The following CAMTA1 variants were observed in gnomAD, a reference collection of about 807,000 sequenced individuals.
CAMTA1 encodes calmodulin-binding transcription activator 1.
In CAMTA1, 27 loss-of-function variants were observed where a neutral mutation model predicts 170.9. That is an observed-to-expected ratio of 0.16 (90% CI 0.12 to 0.22). The LOEUF (loss-of-function observed/expected upper bound fraction) is 0.22. Ranked by LOEUF, CAMTA1 falls within the 10% of genes least tolerant of loss-of-function variation. The pLI, the probability that CAMTA1 is intolerant of heterozygous loss-of-function variation, is 1.00. For missense variants in CAMTA1, 1,619 were observed against 2,217.2 expected (o/e 0.73, Z 5.42); for synonymous variants, 833 against 891.5 (o/e 0.93, Z 1.17).
chr1:6,846,672 A>G (rs567892808), intron 3 of CAMTA1, among the ~76,000 whole-genome samples: 4 of 152,240 alleles, frequency 2.6e-5, no homozygotes, highest in Non-Finnish European at 5.9e-5. Context: ...ATAAAGAATC[A>G]TTAGTATTAC....
intron 5 of CAMTA1, among the ~76,000 whole-genome samples, chr1:7,294,912 G>T (rs994605121): frequency 6.6e-6 from 1 of 152,116 alleles, no homozygotes; most frequent in Non-Finnish European, 1.5e-5. Flanking sequence ...CATCTGCCCC[G>T]TGACTCCCGA....
rs1255524407 is a variant in CAMTA1, at chr1:6,965,203, G to T, written c.235-126101G>T. ...GTGTGGTATGAGCATGAGTGTGTGT[G>T]TATGACTTTGTGTGCTTGTGTGTGT... On this transcript the variant is annotated intron_variant, in intron 3 of 22. Coordinates refer to ENST00000303635, the MANE Select transcript of CAMTA1 (RefSeq NM_015215.4). The surrounding 1 kb of genome is among the most constrained non-coding windows in gnomAD (Gnocchi z 4.1). 6.6e-6 allele frequency among the ~76,000 whole-genome samples: 1 copy of T among 152,144 alleles called. No homozygotes were observed. The highest frequency in any genetic ancestry group is 1.5e-5 in the Non-Finnish European group (1 of 68,016).
intron 3 of CAMTA1, among the ~76,000 whole-genome samples, chr1:7,069,985 C>T (rs1010437286): frequency 3.9e-5 from 6 of 152,248 alleles, no homozygotes; most frequent in Non-Finnish European, 1.5e-5. Flanking sequence ...TACTCCTTGC[C>T]GCGGCCTCTG....
chr1:6,824,709 T>G (rs1330702086), intron 2 of CAMTA1, among the ~76,000 whole-genome samples: 1 of 152,224 alleles, frequency 6.6e-6, no homozygotes, highest in African/African-American at 2.4e-5. Flanking sequence ...CCTAAGAAAC[T>G]TAACATTTTT....
intron 5 of CAMTA1, among the ~76,000 whole-genome samples, chr1:7,362,794 TG>T (rs34919462): frequency 0.63 from 94,764 of 151,188 alleles, 31,454 homozygotes; most frequent in Non-Finnish European, 0.75. Flanking sequence ...TTAGTAGACT[TG>T]AATAGACTGA....
intron 6 of CAMTA1, among the ~76,000 whole-genome samples, chr1:7,620,469 G>A (rs1028947855): frequency 2.6e-5 from 4 of 152,182 alleles, no homozygotes; most frequent in Non-Finnish European, 4.4e-5. Context: ...CTGGAAGCTG[G>A]AGAACACAGA....
At chr1:7,403,474 T>C (rs2090061285) in intron 5 of CAMTA1, among the ~76,000 whole-genome samples, 1 of 152,166 alleles carries the variant, frequency 6.6e-6, no homozygotes, top group South Asian at 2.1e-4. Flanking sequence ...TAAGTGTATG[T>C]AGCGAGATCA....
intron 5 of CAMTA1, among the ~76,000 whole-genome samples, chr1:7,393,303 T>A (rs900032984): frequency 4.6e-5 from 7 of 152,058 alleles, no homozygotes; most frequent in Admixed American, 2.6e-4. Context: ...CCTACTCTGT[T>A]ACCCAGGCTG....
intron 3 of CAMTA1, among the ~76,000 whole-genome samples, chr1:6,872,342 A>G (rs774572634): frequency 6.6e-6 from 1 of 152,152 alleles, no homozygotes; most frequent in Non-Finnish European, 1.5e-5. Flanking sequence ...TAGCTGCCAC[A>G]TTATACATCT....
chr1:7,081,018 G>C (rs1639931144), intron 3 of CAMTA1, among the ~76,000 whole-genome samples: 1 of 152,222 alleles, frequency 6.6e-6, no homozygotes, highest in East Asian at 1.9e-4. Flanking sequence ...TCTTCAAAGA[G>C]TGCATGGCTA....
chr1:7,757,609 A>G (rs568325226), intron 22 of CAMTA1, among the ~76,000 whole-genome samples: 20 of 152,314 alleles, frequency 1.3e-4, no homozygotes, highest in Admixed American at 6.5e-4. Context: ...TCTACTAAAA[A>G]TACAAAAATT....
At chr1:7,056,933 A>G (rs1707416928) in intron 3 of CAMTA1, among the ~76,000 whole-genome samples, 1 of 152,136 alleles carries the variant, frequency 6.6e-6, no homozygotes, top group African/African-American at 2.4e-5. Flanking sequence ...ACTCTTGGTT[A>G]TGAACCCCAG....
At chr1:7,030,837 ATG>A (rs1445241815) in intron 3 of CAMTA1, among the ~76,000 whole-genome samples, 1 of 140,050 alleles carries the variant, frequency 7.1e-6, no homozygotes, top group Non-Finnish European at 1.6e-5. Flanking sequence ...TACATCCTTA[ATG>A]TTTTTTTTTT....
intron 4 of CAMTA1, among the ~76,000 whole-genome samples, chr1:7,135,052 G>C (rs1376957564): frequency 6.6e-6 from 1 of 152,082 alleles, no homozygotes; most frequent in Non-Finnish European, 1.5e-5. Flanking sequence ...CAAAACCACA[G>C]TGAGATCCTA....
intron 6 of CAMTA1, among the ~76,000 whole-genome samples, chr1:7,477,338 T>C (rs12039004): frequency 0.049 from 7,499 of 152,128 alleles, 262 homozygotes; most frequent in East Asian, 0.16. Flanking sequence ...GCCTCCTGGG[T>C]CTGGCTTCAT....
intron 3 of CAMTA1, among the ~76,000 whole-genome samples, chr1:6,973,043 G>A (rs11120800): frequency 0.37 from 56,712 of 151,842 alleles, 11,044 homozygotes; most frequent in Admixed American, 0.44. Flanking sequence ...GTAGAGATGG[G>A]GTTTTGTCAC....
intron 3 of CAMTA1, among the ~76,000 whole-genome samples, chr1:6,991,171 T>G (rs1391831595): frequency 6.6e-6 from 1 of 152,210 alleles, no homozygotes; most frequent in African/African-American, 2.4e-5. Context: ...TTCCAGTTTT[T>G]GGCTATTATG....
At chr1:6,908,049 C>T (rs560951466) in intron 3 of CAMTA1, among the ~76,000 whole-genome samples, 3 of 152,338 alleles carry the variant, frequency 2.0e-5, no homozygotes, top group South Asian at 2.1e-4. Flanking sequence ...CTCCCTCAGA[C>T]GTGCCAAGTA....
intron 6 of CAMTA1, among the ~76,000 whole-genome samples, chr1:7,558,767 G>A (rs917543204): frequency 4.6e-5 from 7 of 152,364 alleles, no homozygotes; most frequent in African/African-American, 1.4e-4. Context: ...AAACCCACTC[G>A]CCTGCCGAGG....
Sources: allele counts gnomAD v4.1 joint callset (sites outside exome capture counted in the v4.1 genomes callset), GRCh38; gene constraint gnomAD v4.1.1; non-coding constraint Gnocchi (gnomAD v3.1); transcripts MANE v1.5; gene names NCBI Gene and HGNC (gene_info 2026-07-23, HGNC 2026-07-21).